SBK1: variants seen among roughly 807,000 people sequenced by gnomAD.
The protein encoded by SBK1 is serine/threonine-protein kinase SBK1.
SBK1 carries 11 observed loss-of-function variants against 24.4 expected under a neutral mutation model. That is an observed-to-expected ratio of 0.45 (90% CI 0.28 to 0.75). The LOEUF (loss-of-function observed/expected upper bound fraction) is 0.75, where lower values mean the gene tolerates loss of function less well. Among genes scored for constraint, SBK1 ranks in the 30% least tolerant of loss-of-function variants. SBK1 has a pLI of 0.12. For synonymous variants in SBK1, 308 were observed against 284.4 expected, an observed-to-expected ratio of 1.08 and a Z score of -0.83; for missense variants, 467 against 620.5, an observed-to-expected ratio of 0.75 and a Z score of 2.63.
At chr16:28,265,352 G>A (rs1406780066) in intron 1 of SBK1, among the ~76,000 whole-genome samples, 2 of 152,046 alleles carry the variant, frequency 1.3e-5, no homozygotes, top group East Asian at 1.9e-4. Context: ...TTGGGAGGTC[G>A]AGGTTACACC....
Position 28,317,445 on chromosome 16 carries a change from G to T in SBK1, c.54G>T (p.Gly18=), listed in dbSNP as rs1196245821. 1 of 1,614,048 alleles carries T rather than the reference G, an allele frequency of 6.2e-7. No homozygotes were observed. Among genetic ancestry groups the T allele is most frequent in the East Asian group, 2.2e-5 (1 of 44,888 alleles). Residue 18 remains glycine, a synonymous_variant, in exon 2 of 4, where the codon GGG becomes GGT. Coordinates refer to ENST00000341901, the MANE Select transcript of SBK1 (RefSeq NM_001024401.3). This position sits in a 1 kb window ranked among gnomAD's most constrained non-coding sequence, Gnocchi z 4.2. ...PEPPRSLTCC[G]PGTAPGPGAG... The stretch of plus-strand genomic sequence containing the variant: ...CGCCCCGCTCCCTGACCTGCTGTGG[G>T]CCGGGGACTGCCCCTGGGCCTGGTG...
rs778189331 is a variant in SBK1, at chr16:28,320,603, C to G, written c.957C>G (p.Ser319=). 1.2e-5 allele frequency: 17 copies of G among 1,436,418 alleles called. No individual in the cohort carries two copies. In the South Asian group the frequency reaches 1.6e-4, roughly 14 times the overall value. The allele number at this position is 1,436,418 out of a possible 1,614,324, so 89.0% of individuals were successfully genotyped here. The part of the protein sequence containing the change: ...VFRFLKHELT[S]ELRRRPSHRA... ...GCTTCCTCAAGCACGAGCTCACGTC[C>G]GAGCTGCGCCGCCGGCCCTCGCACC... is the stretch of plus-strand genomic sequence containing the variant. The change falls in exon 4 of 4, where the codon TCC becomes TCG. Residue 319 remains serine, a synonymous_variant. Transcript: ENST00000341901. This position sits in a 1 kb window ranked among gnomAD's most constrained non-coding sequence, Gnocchi z 8.5.
At position 28,320,304 on chromosome 16, in the gene SBK1, T is replaced by C; in HGVS notation, c.658T>C (p.Cys220Arg). The change falls in exon 4 of 4, where the codon TGC (cysteine) becomes CGC (arginine). Residue 220 changes from cysteine (C) to arginine (R), a missense_variant. By Grantham distance (180) the Cys-to-Arg change is radical (BLOSUM62 -3). Coordinates refer to ENST00000341901, the MANE Select transcript of SBK1 (RefSeq NM_001024401.3). This position sits in a 1 kb window ranked among gnomAD's most constrained non-coding sequence, Gnocchi z 8.5. ...GTIPYTAPEV[C>R]QAGRADGLAV... ...CATCCCTTACACGGCGCCTGAGGTG[T>C]GCCAGGCGGGCCGCGCCGACGGGCT... is the stretch of plus-strand genomic sequence containing the variant. 2 of 1,591,604 alleles carry C rather than the reference T, an allele frequency of 1.3e-6. No homozygotes were observed. The highest frequency in any genetic ancestry group is 1.7e-6 in the Non-Finnish European group (2 of 1,175,308).
At chr16:28,311,965 A>G (rs1022538868) in intron 1 of SBK1, among the ~76,000 whole-genome samples, 3 of 152,262 alleles carry the variant, frequency 2.0e-5, no homozygotes, top group Admixed American at 6.5e-5. Context: ...GTGGCCACCA[A>G]TTAAGCTCCC....
In SBK1 at chr16:28,317,720, T is replaced by G. The variant is rs1392640132; in HGVS notation, c.226+103T>G. On this transcript the variant is annotated intron_variant, in intron 2 of 3. Coordinates refer to ENST00000341901, the MANE Select transcript of SBK1 (RefSeq NM_001024401.3). This position sits in a 1 kb window ranked among gnomAD's most constrained non-coding sequence, Gnocchi z 4.2. ...TTGCAGCTGGGCCGGGGCTCTCTGGTGCTCTGTGGAAGCCAGGAGGCAGGG... is the reference window on the plus strand; with the variant it reads ...TTGCAGCTGGGCCGGGGCTCTCTGGGGCTCTGTGGAAGCCAGGAGGCAGGG... 147 of 803,628 alleles carry G rather than the reference T, an allele frequency of 1.8e-4. No individual in the cohort carries two copies. Among genetic ancestry groups the G allele is most frequent in the Non-Finnish European group, 1.6e-4 (78 of 478,912 alleles). The allele number at this position is 803,628 out of a possible 1,614,324, so 49.8% of individuals were successfully genotyped here. A position where few individuals can be genotyped will look rare whatever the true frequency, so the allele number is the denominator to read the frequency against.
intron 1 of SBK1, among the ~76,000 whole-genome samples, chr16:28,268,386 G>C (rs1339694569): frequency 6.6e-6 from 1 of 151,436 alleles, no homozygotes; most frequent in Non-Finnish European, 1.5e-5. Flanking sequence ...GAGATCATAG[G>C]TGTGCACCAC....
At chr16:28,293,554 C>G (rs1011260330) in intron 1 of SBK1, among the ~76,000 whole-genome samples, 11 of 152,012 alleles carry the variant, frequency 7.2e-5, no homozygotes, top group African/African-American at 2.4e-4. Flanking sequence ...TGGTGGAGCC[C>G]GTTGTGCCAT....
At chr16:28,277,794 A>C (rs2044503085) in intron 1 of SBK1, among the ~76,000 whole-genome samples, 1 of 152,202 alleles carries the variant, frequency 6.6e-6, no homozygotes, top group Non-Finnish European at 1.5e-5. Context: ...CTCGAGAACC[A>C]GATAGAACAG....
At chr16:28,311,563 C>G (rs1464211060) in intron 1 of SBK1, among the ~76,000 whole-genome samples, 1 of 151,912 alleles carries the variant, frequency 6.6e-6, no homozygotes, top group Non-Finnish European at 1.5e-5. Flanking sequence ...TAGCTGTGCA[C>G]CATGACGCAC....
intron 1 of SBK1, among the ~76,000 whole-genome samples, chr16:28,295,711 C>T (rs917340497): frequency 2.0e-5 from 3 of 151,976 alleles, no homozygotes. Context: ...TAAAAAAAGT[C>T]GGGGGGAGGC....
chr16:28,290,607 GC>G (rs1461498095), upstream of SBK1: 1 of 152,022 alleles, frequency 6.6e-6, no homozygotes. Context: ...TGCACTCCAG[GC>G]TGGGCAGCAG....
rs1465450602 is a variant in SBK1, at chr16:28,292,606, C to A, written c.-702C>A. 1 of 980,168 alleles carries A rather than the reference C, an allele frequency of 1.0e-6. No individual in the cohort carries two copies. The highest frequency in any genetic ancestry group is 1.2e-6 in the Non-Finnish European group (1 of 827,516). 60.7% of individuals were successfully genotyped at this position (980,168 alleles called of 1,614,324 possible). On this transcript the variant is annotated 5_prime_UTR_variant, in exon 1 of 4. Transcript: ENST00000341901. ...GCGGAGCGCGAGCTGGAGCCGCAGC[C>A]GGAGCCCGGGCCAGGCCGGGGGCCG...
intron 1 of SBK1, among the ~76,000 whole-genome samples, chr16:28,300,054 T>G (rs994164518): frequency 6.6e-6 from 1 of 152,232 alleles, no homozygotes; most frequent in Admixed American, 6.5e-5. Flanking sequence ...TGCTGTTCCT[T>G]GAGGACTTCT....
At chr16:28,272,881 A>G (rs890592229) in intron 1 of SBK1, among the ~76,000 whole-genome samples, 6 of 151,358 alleles carry the variant, frequency 4.0e-5, no homozygotes, top group Non-Finnish European at 8.8e-5. Flanking sequence ...CGGCCTCCCA[A>G]AGTGCTGGGA....
At chr16:28,315,019 G>T (rs1387648912) in intron 1 of SBK1, among the ~76,000 whole-genome samples, 1 of 152,148 alleles carries the variant, frequency 6.6e-6, no homozygotes, top group East Asian at 1.9e-4. Context: ...TGCAGGGAGG[G>T]TAGAGGGAGG....
chr16:28,276,823 C>T (rs544153228), intron 1 of SBK1, among the ~76,000 whole-genome samples: 166 of 152,140 alleles, frequency 1.1e-3, no homozygotes, highest in Non-Finnish European at 1.8e-3. Context: ...CGCCACCACG[C>T]CCGGCTAATT....
intron 1 of SBK1, among the ~76,000 whole-genome samples, chr16:28,305,937 G>A (rs2044713674): frequency 6.6e-6 from 1 of 152,166 alleles, no homozygotes; most frequent in Non-Finnish European, 1.5e-5. Flanking sequence ...ATTCTTGAAT[G>A]GGCATGTGGT....
chr16:28,320,641 C>T lies in SBK1; in HGVS notation c.995C>T (p.Pro332Leu). The change falls in exon 4 of 4, where the codon CCC (proline) becomes CTC (leucine). Residue 332 changes from proline (P) to leucine (L), a missense_variant. By Grantham distance (98) the Pro-to-Leu change is moderately conservative. This residue lies in a region of SBK1 where 166 missense variants were observed against 146.8 expected (regional missense o/e 1.13). Coordinates refer to ENST00000341901, the MANE Select transcript of SBK1 (RefSeq NM_001024401.3). This position sits in a 1 kb window ranked among gnomAD's most constrained non-coding sequence, Gnocchi z 8.5. The part of the protein sequence containing the change: ...RRRPSHRARK[P>L]PGDRPPAAGP... ...CGGCCCTCGCACCGCGCGCGCAAGC[C>T]CCCCGGGGACCGCCCGCCCGCCGCC... is the stretch of plus-strand genomic sequence containing the variant. 1 of 1,168,968 alleles carries T rather than the reference C, an allele frequency of 8.6e-7. No individual in the cohort carries two copies. The highest frequency in any genetic ancestry group is 3.8e-5 in the South Asian group (1 of 26,512). The allele number at this position is 1,168,968 out of a possible 1,614,324, so 72.4% of individuals were successfully genotyped here.
intron 1 of SBK1, among the ~76,000 whole-genome samples, chr16:28,260,268 G>A (rs2044389701): frequency 6.6e-6 from 1 of 152,134 alleles, no homozygotes; most frequent in Non-Finnish European, 1.5e-5. Context: ...CCCAGTGGGA[G>A]TTCAAGCCCT....
Sources: allele counts gnomAD v4.1 joint callset (sites outside exome capture counted in the v4.1 genomes callset), GRCh38; gene constraint gnomAD v4.1.1; regional missense constraint gnomAD v4.1.1; non-coding constraint Gnocchi (gnomAD v3.1); transcripts MANE v1.5; gene names NCBI Gene and HGNC (gene_info 2026-07-23, HGNC 2026-07-21).